The following SLC9A8 variants were observed in gnomAD, a reference collection of about 807,000 sequenced individuals.
SLC9A8 encodes the protein solute carrier family 9 member A8.
Under a neutral mutation model 66.6 loss-of-function variants are expected in SLC9A8, and 48 were observed. The ratio of observed to expected loss-of-function variants is 0.72; its 90% CI spans 0.57 to 0.92. The LOEUF (loss-of-function observed/expected upper bound fraction) is 0.92, where lower values mean the gene tolerates loss of function less well. Ranked by LOEUF, SLC9A8 falls within the 40% of genes least tolerant of loss-of-function variation. SLC9A8 has a pLI of 0.00. For synonymous variants in SLC9A8, 274 were observed against 282.6 expected, an observed-to-expected ratio of 0.97 and a Z score of 0.31; for missense variants, 599 against 747.3, an observed-to-expected ratio of 0.80 and a Z score of 2.31.
chr20:49,876,896 C>T (rs1000856448), intron 11 of SLC9A8, among the ~76,000 whole-genome samples: 3 of 152,134 alleles, frequency 2.0e-5, no homozygotes, highest in African/African-American at 2.4e-5. Context: ...GGGGTAAATT[C>T]TCCAGCTTGT....
At chr20:49,866,258 C>A (rs2088960007) in intron 10 of SLC9A8, among the ~76,000 whole-genome samples, 1 of 152,136 alleles carries the variant, frequency 6.6e-6, no homozygotes, top group Non-Finnish European at 1.5e-5. Flanking sequence ...TTGCGTGTGG[C>A]AGTAGTTTAT....
At chr20:49,824,028 C>T (rs1370033788) in intron 3 of SLC9A8, among the ~76,000 whole-genome samples, 30 of 152,302 alleles carry the variant, frequency 2.0e-4, no homozygotes, top group Non-Finnish European at 4.4e-5. Flanking sequence ...TGTTTAGACT[C>T]TGTTCACTAG....
chr20:49,842,472 C>G, intron 4 of SLC9A8, among the ~76,000 whole-genome samples: 1 of 152,166 alleles, frequency 6.6e-6, no homozygotes, highest in East Asian at 1.9e-4. Flanking sequence ...GCTGAAGCAT[C>G]AGAGGTCAAG....
intron 8 of SLC9A8, among the ~76,000 whole-genome samples, chr20:49,858,774 G>A (rs2088610927): frequency 6.6e-6 from 1 of 151,778 alleles, no homozygotes; most frequent in South Asian, 2.1e-4. Flanking sequence ...CCTTGCCAAC[G>A]TGGTGAAACC....
chr20:49,872,148 G>C (rs2089234984), intron 10 of SLC9A8, among the ~76,000 whole-genome samples: 1 of 152,076 alleles, frequency 6.6e-6, no homozygotes, highest in Admixed American at 6.6e-5. Context: ...AAACACTCTT[G>C]AGCTTCAAAG....
intron 3 of SLC9A8, among the ~76,000 whole-genome samples, chr20:49,835,792 T>C (rs2087511155): frequency 6.7e-6 from 1 of 149,916 alleles, no homozygotes; most frequent in African/African-American, 2.5e-5. Context: ...TTCAAGCGAT[T>C]TTCCTGCCTC....
intron 10 of SLC9A8, among the ~76,000 whole-genome samples, chr20:49,869,798 A>C (rs2089139159): frequency 6.6e-6 from 1 of 151,596 alleles, no homozygotes; most frequent in African/African-American, 2.4e-5. Context: ...CTGCCACTGC[A>C]CTCTAGCCTG....
intron 10 of SLC9A8, among the ~76,000 whole-genome samples, chr20:49,869,378 C>G (rs2089106471): frequency 6.6e-6 from 1 of 151,998 alleles, no homozygotes; most frequent in Non-Finnish European, 1.5e-5. Flanking sequence ...ACCACCACGC[C>G]CGACTAATTT....
chr20:49,844,017 A>G (rs1450778114), intron 4 of SLC9A8, among the ~76,000 whole-genome samples: 1 of 137,842 alleles, frequency 7.3e-6, no homozygotes, highest in African/African-American at 2.7e-5. Context: ...CTCTTCCCCC[A>G]TGAGTGGAAG....
chr20:49,888,846 G>A lies in SLC9A8; in HGVS notation c.*910G>A, dbSNP rs6020110. 6.6e-6 allele frequency: 1 copy of A among 152,344 alleles called. No individual in the cohort carries two copies. The highest frequency in any genetic ancestry group is 1.9e-4 in the East Asian group (1 of 5,200). The allele number at this position is 152,344 out of a possible 1,614,324, so 9.4% of individuals were successfully genotyped here. On this transcript the variant is annotated 3_prime_UTR_variant, in exon 16 of 16. Coordinates refer to ENST00000361573, the MANE Select transcript of SLC9A8 (RefSeq NM_015266.3). The stretch of plus-strand genomic sequence containing the variant: ...GTCTAATCGGAGGCCACTGTGCTGA[G>A]GCCCTGCAGTGTCTGCTCACTGCTG...
intron 1 of SLC9A8, among the ~76,000 whole-genome samples, chr20:49,814,130 C>T (rs2146424692): frequency 6.6e-6 from 1 of 152,236 alleles, no homozygotes; most frequent in Middle Eastern, 3.4e-3. Context: ...CTGCTCCATC[C>T]CAGACACTAA....
rs1446099429 is a variant in SLC9A8 at position 49,864,819 on chromosome 20, G to C, written c.933G>C (p.Gly311=). The change falls in exon 10 of 16, where the codon GGG becomes GGC. Residue 311 remains glycine (G), a synonymous_variant. Coordinates refer to ENST00000361573, the MANE Select transcript of SLC9A8 (RefSeq NM_015266.3). The part of the protein sequence containing the change: ...MMIIFAYLPY[G]LAEGISLSGI... ...TCATTTTTGCTTATCTGCCTTATGG[G>C]CTTGCAGAAGGAATCTCACTCTCAG... The C allele has an allele frequency of 1.9e-6, 3 of 1,612,924 alleles. No homozygotes were observed. Among genetic ancestry groups the C allele is most frequent in the Non-Finnish European group, 1.7e-6 (2 of 1,178,984 alleles).
chr20:49,817,777 C>T (rs2086608391), intron 2 of SLC9A8, among the ~76,000 whole-genome samples: 1 of 151,952 alleles, frequency 6.6e-6, no homozygotes, highest in Non-Finnish European at 1.5e-5. Flanking sequence ...TTTAATACAC[C>T]CTGGTAATTT....
chr20:49,877,787 G>A (rs953164353), intron 11 of SLC9A8, among the ~76,000 whole-genome samples, 194 bp from the exon 12 acceptor site: 1 of 152,208 alleles, frequency 6.6e-6, no homozygotes, highest in Non-Finnish European at 1.5e-5. Context: ...CCAGGGACAT[G>A]TAGCTTATGT....
chr20:49,884,983 C>G (rs1344554574), intron 14 of SLC9A8, among the ~76,000 whole-genome samples: 1 of 152,234 alleles, frequency 6.6e-6, no homozygotes, highest in East Asian at 1.9e-4. Flanking sequence ...AATCAGTCAT[C>G]AGAGGCCCAG....
chr20:49,846,794 A>G (rs911140504), intron 5 of SLC9A8, among the ~76,000 whole-genome samples: 4 of 152,036 alleles, frequency 2.6e-5, no homozygotes, highest in Admixed American at 2.6e-4. Flanking sequence ...CGTGCCTGTA[A>G]TCCCAGCTAC....
intron 3 of SLC9A8, among the ~76,000 whole-genome samples, chr20:49,833,986 C>T (rs1048051300): frequency 7.9e-5 from 12 of 151,608 alleles, no homozygotes; most frequent in Non-Finnish European, 1.3e-4. Context: ...CAGTGGCTCA[C>T]GCCTGTAATC....
chr20:49,853,990 T>C (rs552159875), intron 7 of SLC9A8, among the ~76,000 whole-genome samples: 4 of 152,274 alleles, frequency 2.6e-5, no homozygotes, highest in South Asian at 4.2e-4. Flanking sequence ...AGATCACCCA[T>C]TGAAGGCTGC....
intron 3 of SLC9A8, chr20:49,830,105 A>G (rs2087111650): frequency 5.4e-6 from 4 of 746,078 alleles, no homozygotes; most frequent in Admixed American, 5.2e-5. Context: ...GCTAAGCCAA[A>G]CAAGCCATCT....
Sources: gnomAD v4.1 joint callset for allele counts (sites outside exome capture counted in the v4.1 genomes callset) on GRCh38, gnomAD v4.1.1 for gene constraint, MANE v1.5 for transcripts, NCBI Gene and HGNC (gene_info 2026-07-23, HGNC 2026-07-21) for gene names.